The following RTN4RL1 variants were observed in gnomAD, a reference collection of about 807,000 sequenced individuals.
The protein encoded by RTN4RL1 is reticulon-4 receptor-like 1.
In RTN4RL1, 7 loss-of-function variants were observed where a neutral mutation model predicts 25.6. The observed-to-expected ratio is 0.27, with a 90% CI of 0.16 to 0.51. The LOEUF is 0.51. RTN4RL1 is among the 20% of genes least tolerant of loss of function. The pLI is 0.97. For synonymous variants in RTN4RL1, 297 were observed against 288.2 expected, an observed-to-expected ratio of 1.03 and a Z score of -0.31; for missense variants, 500 against 615.6, an observed-to-expected ratio of 0.81 and a Z score of 1.99.
chr17:1,974,959 C>T (rs746830488), intron 1 of RTN4RL1, among the ~76,000 whole-genome samples: 2 of 152,218 alleles, frequency 1.3e-5, no homozygotes, highest in African/African-American at 4.8e-5. Context: ...CAGCCTCACT[C>T]GCTGCTAAAG....
chr17:2,001,734 G>T (rs1300069182), intron 1 of RTN4RL1, among the ~76,000 whole-genome samples: 1 of 152,186 alleles, frequency 6.6e-6, no homozygotes, highest in Non-Finnish European at 1.5e-5. Context: ...GACTAGGGCA[G>T]CCTTGTTCTC....
chr17:2,001,278 T>A (rs1355957147), intron 1 of RTN4RL1, among the ~76,000 whole-genome samples: 3 of 151,988 alleles, frequency 2.0e-5, no homozygotes, highest in Admixed American at 1.3e-4. Context: ...GGAGTCTCAC[T>A]CTGTTGCCCA....
chr17:2,015,120 G>T (rs948839486), intron 1 of RTN4RL1, among the ~76,000 whole-genome samples: 1 of 152,196 alleles, frequency 6.6e-6, no homozygotes, highest in Non-Finnish European at 1.5e-5. Flanking sequence ...GGTGGCCTGG[G>T]CTCAGGTGGA....
rs141843173 is a variant in RTN4RL1 at position 1,986,823 on chromosome 17, C to G, written c.13+38030G>C. Reference sequence around the variant, plus strand: ...GGCAGGCTGACCCCAGACTCAGGCCCTGCCCCCCGACCCAGGCCCAGGCTC... The same window carrying G: ...GGCAGGCTGACCCCAGACTCAGGCCGTGCCCCCCGACCCAGGCCCAGGCTC... On this transcript the variant is annotated intron_variant, in intron 1 of 1. Coordinates refer to ENST00000331238, the MANE Select transcript of RTN4RL1 (RefSeq NM_178568.4). Among the ~76,000 whole-genome samples, 918 of 152,150 alleles carry G rather than the reference C, an allele frequency of 6.0e-3. 4 individuals carry two copies. Among genetic ancestry groups the G allele is most frequent in the African/African-American group, 0.021 (883 of 41,500 alleles).
At chr17:1,948,316 C>T (rs1279079594) in intron 1 of RTN4RL1, among the ~76,000 whole-genome samples, 2 of 152,232 alleles carry the variant, frequency 1.3e-5, no homozygotes, top group East Asian at 3.8e-4. Context: ...TTCCAGGGCT[C>T]ATAAAATGTG....
intron 1 of RTN4RL1, chr17:2,002,982 C>G (rs2066969547): frequency 6.6e-6 from 1 of 152,298 alleles, no homozygotes; most frequent in Non-Finnish European, 1.5e-5. Flanking sequence ...AGGACAAACC[C>G]TCCACCAATA....
chr17:1,999,229 C>T (rs999623657), intron 1 of RTN4RL1, among the ~76,000 whole-genome samples: 10 of 151,232 alleles, frequency 6.6e-5, no homozygotes, highest in African/African-American at 2.2e-4. Flanking sequence ...GGGCGGATCA[C>T]GAGATCAAGA....
intron 1 of RTN4RL1, among the ~76,000 whole-genome samples, chr17:1,967,772 C>T (rs370310247): frequency 1.3e-5 from 2 of 152,020 alleles, no homozygotes; most frequent in Non-Finnish European, 2.9e-5. Context: ...CCCAAGTAGC[C>T]GGGAGTACAG....
intron 1 of RTN4RL1, among the ~76,000 whole-genome samples, chr17:1,948,722 G>C (rs900179797): frequency 7.1e-6 from 1 of 140,800 alleles, no homozygotes; most frequent in Non-Finnish European, 1.6e-5. Flanking sequence ...GCAAATGTCT[G>C]TTTGTGATGC....
intron 1 of RTN4RL1, among the ~76,000 whole-genome samples, chr17:1,962,344 T>C (rs2066768486): frequency 6.6e-6 from 1 of 151,318 alleles, no homozygotes; most frequent in Non-Finnish European, 1.5e-5. Context: ...AACAGACTAG[T>C]TACCAGTTTT....
rs557374222 is a variant in RTN4RL1 at position 1,962,855 on chromosome 17, C to A, written c.14-25047G>T. 1.2e-4 allele frequency among the ~76,000 whole-genome samples: 9 copies of A among 77,660 alleles called. No individual in the cohort carries two copies. In the East Asian group the frequency reaches 1.9e-3, roughly 17 times the overall value. 50.9% of individuals were successfully genotyped at this position (77,660 alleles called of 152,430 possible). A position where few individuals can be genotyped will look rare whatever the true frequency, so the allele number is the denominator to read the frequency against. On this transcript the variant is annotated intron_variant, in intron 1 of 1. Coordinates refer to ENST00000331238, the MANE Select transcript of RTN4RL1 (RefSeq NM_178568.4). ...CCAGCCTGGGCGGCAGAGGGAGACT[C>A]GATCTCAGAAAAAAAAAAAAAAAAA...
chr17:2,000,787 G>A (rs1044007748), intron 1 of RTN4RL1, among the ~76,000 whole-genome samples: 3 of 151,804 alleles, frequency 2.0e-5, no homozygotes, highest in Non-Finnish European at 2.9e-5. Context: ...CCCGAAGTAC[G>A]GGGATTACAG....
chr17:2,016,537 C>T (rs960081255), intron 1 of RTN4RL1, among the ~76,000 whole-genome samples: 10 of 152,224 alleles, frequency 6.6e-5, no homozygotes, highest in African/African-American at 2.2e-4. Flanking sequence ...GTGCCAGCTC[C>T]GTTGGTCTTT....
chr17:2,013,014 G>A lies in RTN4RL1; in HGVS notation c.13+11839C>T, dbSNP rs908334462. 4.6e-5 allele frequency among the ~76,000 whole-genome samples: 7 copies of A among 152,192 alleles called. No individual in the cohort carries two copies. In the South Asian group the frequency reaches 8.3e-4, roughly 18 times the overall value. On this transcript the variant is annotated intron_variant, in intron 1 of 1. Transcript: ENST00000331238. ...TCATCATGTTGACCAGGCTAGTCTC[G>A]AACTCATGACCTCAGGTGATCCGCC...
chr17:1,964,156 A>G (rs2066778514), intron 1 of RTN4RL1, among the ~76,000 whole-genome samples: 1 of 152,248 alleles, frequency 6.6e-6, no homozygotes, highest in African/African-American at 2.4e-5. Flanking sequence ...TGCTACGCAC[A>G]CGTGGCTTCC....
At chr17:1,983,111 C>T (rs1359552680) in intron 1 of RTN4RL1, among the ~76,000 whole-genome samples, 7 of 151,520 alleles carry the variant, frequency 4.6e-5, no homozygotes, top group South Asian at 4.2e-4. Context: ...AGTGCAATGG[C>T]GCCATCTCGG....
chr17:2,002,430 C>T (rs866849746), intron 1 of RTN4RL1, among the ~76,000 whole-genome samples: 4 of 150,704 alleles, frequency 2.7e-5, no homozygotes, highest in East Asian at 2.0e-4. Flanking sequence ...GTAGCTGGGA[C>T]TACAGGCGCC....
At chr17:1,992,233 G>A (rs1395824055) in intron 1 of RTN4RL1, among the ~76,000 whole-genome samples, 1 of 151,816 alleles carries the variant, frequency 6.6e-6, no homozygotes, top group Non-Finnish European at 1.5e-5. Context: ...GCGTGGTGGC[G>A]GGCGCCTGCA....
At chr17:1,984,972 A>G (rs1053196649) in intron 1 of RTN4RL1, among the ~76,000 whole-genome samples, 1 of 152,198 alleles carries the variant, frequency 6.6e-6, no homozygotes, top group Non-Finnish European at 1.5e-5. Context: ...CATCTCAAAA[A>G]AAAAAAGAAA....
Sources: gnomAD v4.1 joint callset for allele counts (sites outside exome capture counted in the v4.1 genomes callset) on GRCh38, gnomAD v4.1.1 for gene constraint, MANE v1.5 for transcripts, NCBI Gene and HGNC (gene_info 2026-07-23, HGNC 2026-07-21) for gene names.